The following ZC3H13 variants were observed in gnomAD, a reference collection of about 807,000 sequenced individuals.
The protein encoded by ZC3H13 is zinc finger CCCH-type containing 13, also known as zinc finger CCCH domain-containing protein 13.
In ZC3H13, 64 loss-of-function variants were observed where a neutral mutation model predicts 204.1. The ratio of observed to expected loss-of-function variants is 0.31; its 90% CI spans 0.26 to 0.39. The LOEUF is 0.39. ZC3H13 is among the 10% of genes least tolerant of loss of function. The pLI, the probability that ZC3H13 is intolerant of heterozygous loss-of-function variation, is 1.00. For synonymous variants in ZC3H13, 667 were observed against 693.7 expected, an observed-to-expected ratio of 0.96 and a Z score of 0.60; for missense variants, 1,833 against 2,082.7, an observed-to-expected ratio of 0.88 and a Z score of 2.33.
intron 5 of ZC3H13, among the ~76,000 whole-genome samples, chr13:46,016,626 T>A (rs750314640): frequency 3.9e-5 from 6 of 152,112 alleles, no homozygotes; most frequent in Non-Finnish European, 8.8e-5. Context: ...TATGGGAAAC[T>A]AGTAATTTCC....
chr13:45,996,920 A>G (rs1449632938), intron 8 of ZC3H13, among the ~76,000 whole-genome samples: 2 of 152,228 alleles, frequency 1.3e-5, no homozygotes, highest in African/African-American at 4.8e-5. Flanking sequence ...AAGGTTCAGC[A>G]CTATCTGCCA....
intron 8 of ZC3H13, among the ~76,000 whole-genome samples, chr13:45,995,596 C>T (rs990273943): frequency 2.0e-5 from 3 of 152,196 alleles, no homozygotes; most frequent in Admixed American, 6.5e-5. Flanking sequence ...CATTATTCTA[C>T]TTGTACTAAC....
Position 45,956,992 on chromosome 13 carries a change from T to C in ZC3H13, c.*135A>G. Reference sequence around the variant, plus strand: ...AAACTAGTGTCTCTAAAGATCAAAATTCTTCACTCTTTTAGCATGGCTGAT... The same window carrying C: ...AAACTAGTGTCTCTAAAGATCAAAACTCTTCACTCTTTTAGCATGGCTGAT... On this transcript the variant is annotated 3_prime_UTR_variant, in exon 19 of 19. Transcript: ENST00000679008. 1 of 827,706 alleles carries C rather than the reference T, an allele frequency of 1.2e-6. No homozygotes were observed. 51.3% of individuals were successfully genotyped at this position (827,706 alleles called of 1,614,324 possible).
chr13:45,970,492 A>G (rs1302010242), intron 12 of ZC3H13, 27 bp from the exon 13 acceptor site: 1 of 1,599,400 alleles, frequency 6.3e-7, no homozygotes, highest in African/African-American at 1.3e-5. Flanking sequence ...AACACAATTT[A>G]TAAAATTCTA....
chr13:45,963,717 A>G, intron 17 of ZC3H13, 125 bp downstream of exon 17: 1 of 1,500,520 alleles, frequency 6.7e-7, no homozygotes, highest in South Asian at 1.4e-5. Flanking sequence ...ATGATTATAA[A>G]ATGATTTCTC....
In ZC3H13 at chr13:45,957,278, T is replaced by C; in HGVS notation, c.4859A>G (p.Tyr1620Cys). Residue 1620 changes from tyrosine (Y) to cysteine (C), a missense_variant, in exon 19 of 19, where the codon TAC (tyrosine) becomes TGC (cysteine). Tyr to Cys is a radical substitution (Grantham distance 194). Around this residue, in one of 5 missense-constraint regions of ZC3H13, gnomAD observed 211 missense variants for 228.4 expected, o/e 0.92. Transcript: ENST00000679008. ...ATTGTCTACCATTGGAGCACTCGTG[T>C]AAGCTTGTTTTATGGTGCCCTATTT... is the stretch of plus-strand genomic sequence containing the variant. ...KNEKGTIKQA[Y>C]TSAPMVDNEL... The C allele has an allele frequency of 6.5e-7, 1 of 1,535,742 alleles. No individual in the cohort carries two copies. The highest frequency in any genetic ancestry group is 1.2e-5 in the South Asian group (1 of 80,752).
rs1410362397 is a variant in ZC3H13, at chr13:45,954,728, T to C, written c.*2399A>G. The C allele has an allele frequency of 6.6e-6, 1 of 152,214 alleles. No individual in the cohort carries two copies. Among genetic ancestry groups the C allele is most frequent in the African/African-American group, 2.4e-5 (1 of 41,466 alleles). 9.4% of individuals were successfully genotyped at this position (152,214 alleles called of 1,614,324 possible). A position where few individuals can be genotyped will look rare whatever the true frequency, so the allele number is the denominator to read the frequency against. On this transcript the variant is annotated 3_prime_UTR_variant, in exon 19 of 19. Transcript: ENST00000679008. ...CAGTGAGGAGCAAAGTGGGAGATTC[T>C]ACCAATGCCACTTACAGAACAGATT...
chr13:46,008,524 CTAA>C (rs1430465305), intron 7 of ZC3H13, among the ~76,000 whole-genome samples: 1 of 151,960 alleles, frequency 6.6e-6, no homozygotes, highest in Non-Finnish European at 1.5e-5. Flanking sequence ...GGATGTGTTA[CTAA>C]TAAAGAAGCA....
chr13:45,980,621 C>T (rs1426495543), intron 10 of ZC3H13, among the ~76,000 whole-genome samples: 2 of 152,160 alleles, frequency 1.3e-5, no homozygotes, highest in African/African-American at 2.4e-5. Flanking sequence ...TATGCAACAA[C>T]TTGGATGAAC....
rs536425854 is a variant in ZC3H13 at position 46,010,185 on chromosome 13, A to G, written c.746+163T>C. 3 of 641,624 alleles carry G rather than the reference A, an allele frequency of 4.7e-6. No individual in the cohort carries two copies. In the African/African-American group the frequency reaches 5.5e-5, roughly 12 times the overall value. 39.7% of individuals were successfully genotyped at this position (641,624 alleles called of 1,614,324 possible). On this transcript the variant is annotated intron_variant, in intron 7 of 18. Coordinates refer to ENST00000679008, the MANE Select transcript of ZC3H13 (RefSeq NM_001330564.2). ...ACAGATGTTTGTTTTATTGTTCTCT[A>G]TAATTGTCTTTTTAATTGAAACATT...
chr13:45,980,092 C>T (rs1269338199), intron 10 of ZC3H13, 88 bp from the exon 11 acceptor site: 13 of 1,091,716 alleles, frequency 1.2e-5, no homozygotes, highest in African/African-American at 1.7e-5. Flanking sequence ...CTAAACATCA[C>T]TAATATATAT....
chr13:45,967,953 C>T lies in ZC3H13; in HGVS notation c.3872G>A (p.Gly1291Glu). 6.2e-7 allele frequency: 1 copy of T among 1,613,904 alleles called. No individual in the cohort carries two copies. Among genetic ancestry groups the T allele is most frequent in the Non-Finnish European group, 8.5e-7 (1 of 1,179,930 alleles). ...ESDRQVHSRSGSFDSRDRLQE... is the reference protein window; with the variant it reads ...ESDRQVHSRSESFDSRDRLQE... ...AAGCCTGTCTCTGCTATCAAATGAC[C>T]CAGATCTTGAATGGACCTGTCGATC... The change falls in exon 15 of 19, where the codon GGG becomes GAG. Residue 1291 changes from glycine (G) to glutamate (E), a missense_variant. This residue lies in a region of ZC3H13 where 1,574 missense variants were observed against 1,757.2 expected (regional missense o/e 0.90). Transcript: ENST00000679008.
Position 45,967,946 on chromosome 13 carries a change from A to C in ZC3H13, c.3879T>G (p.Phe1293Leu), listed in dbSNP as rs1442452788. 1 of 1,613,776 alleles carries C rather than the reference A, an allele frequency of 6.2e-7. No individual in the cohort carries two copies. Among genetic ancestry groups the C allele is most frequent in the East Asian group, 2.2e-5 (1 of 44,888 alleles). The stretch of plus-strand genomic sequence containing the variant: ...GTTCTTGAAGCCTGTCTCTGCTATC[A>C]AATGACCCAGATCTTGAATGGACCT... ...DRQVHSRSGS[F>L]DSRDRLQERD... Residue 1293 changes from phenylalanine (F) to leucine (L), a missense_variant, in exon 15 of 19, where the codon TTT (phenylalanine) becomes TTG (leucine). Physicochemically the swap from Phe to Leu is conservative, Grantham distance 22 (BLOSUM62 0). Around this residue, in one of 5 missense-constraint regions of ZC3H13, gnomAD observed 1,574 missense variants for 1,757.2 expected, o/e 0.90. Coordinates refer to ENST00000679008, the MANE Select transcript of ZC3H13 (RefSeq NM_001330564.2).
At chr13:46,009,710 C>G (rs891200868) in intron 7 of ZC3H13, among the ~76,000 whole-genome samples, 3 of 151,836 alleles carry the variant, frequency 2.0e-5, no homozygotes, top group African/African-American at 7.3e-5. Context: ...TATTCTTAGT[C>G]CCTGAATATA....
intron 8 of ZC3H13, among the ~76,000 whole-genome samples, chr13:46,000,489 CTTTTT>C (rs888648801): frequency 6.6e-6 from 1 of 152,196 alleles, no homozygotes; most frequent in African/African-American, 2.4e-5. Context: ...TAACTTCAAA[CTTTTT>C]TCCTGCAGCT....
Position 45,967,572 on chromosome 13 carries a change from T to C in ZC3H13, c.4253A>G (p.Asp1418Gly). 1 of 1,611,090 alleles carries C rather than the reference T, an allele frequency of 6.2e-7. No homozygotes were observed. Among genetic ancestry groups the C allele is most frequent in the Admixed American group, 1.7e-5 (1 of 59,456 alleles). The stretch of plus-strand genomic sequence containing the variant: ...TCCCTGCACAGATCCCAGATCTTTA[T>C]CCATTCTCTCTTTATCCAAGGCTAG... Reference protein sequence around the residue: ...DSLALDKERMDKDLGSVQGFE... With the variant: ...DSLALDKERMGKDLGSVQGFE... Residue 1418 changes from aspartate to glycine, a missense_variant, in exon 15 of 19, where the codon GAT (aspartate) becomes GGT (glycine). This residue lies in a region of ZC3H13 where 1,574 missense variants were observed against 1,757.2 expected (regional missense o/e 0.90). Transcript: ENST00000679008.
At chr13:46,009,483 A>C (rs2041390027) in intron 7 of ZC3H13, among the ~76,000 whole-genome samples, 1 of 152,148 alleles carries the variant, frequency 6.6e-6, no homozygotes, top group Non-Finnish European at 1.5e-5. Context: ...AAAGTTAAGT[A>C]GAGTCTGAAA....
chr13:45,968,063 G>A lies in ZC3H13; in HGVS notation c.3797-35C>T, dbSNP rs200592677. 1.6e-4 allele frequency: 237 copies of A among 1,511,898 alleles called. No homozygotes were observed. In the Middle Eastern group the frequency reaches 2.2e-3, roughly 14 times the overall value. 93.7% of individuals were successfully genotyped at this position (1,511,898 alleles called of 1,614,324 possible). Reference sequence around the variant, plus strand: ...ATATACCATATATAAAGAGTTATTAGCACATGATAAAATAGAAACAAAATG... The same window carrying A: ...ATATACCATATATAAAGAGTTATTAACACATGATAAAATAGAAACAAAATG... On this transcript the variant is annotated intron_variant, in intron 14 of 18. Coordinates refer to ENST00000679008, the MANE Select transcript of ZC3H13 (RefSeq NM_001330564.2).
Position 46,003,033 on chromosome 13 carries a change from A to C in ZC3H13, c.944+106T>G. On this transcript the variant is annotated intron_variant, in intron 8 of 18. Transcript: ENST00000679008. ...TAAAATAAATATACACACTATTGTAAACAAAACTAAAAAACCCAATATGCT... is the reference window on the plus strand; with the variant it reads ...TAAAATAAATATACACACTATTGTACACAAAACTAAAAAACCCAATATGCT... The C allele has an allele frequency of 2.8e-6, 3 of 1,083,544 alleles. No individual in the cohort carries two copies. The South Asian group carries it at 4.6e-5, about 16-fold the overall frequency. 67.1% of individuals were successfully genotyped at this position (1,083,544 alleles called of 1,614,324 possible). A position where few individuals can be genotyped will look rare whatever the true frequency, so the allele number is the denominator to read the frequency against.
Sources: gnomAD v4.1 joint callset for allele counts (sites outside exome capture counted in the v4.1 genomes callset) on GRCh38, gnomAD v4.1.1 for gene constraint, gnomAD v4.1.1 regional missense constraint, MANE v1.5 for transcripts, NCBI Gene and HGNC (gene_info 2026-07-23, HGNC 2026-07-21) for gene names.